DCAF15: variants seen among roughly 807,000 people sequenced by gnomAD.
The protein encoded by DCAF15 is DDB1- and CUL4-associated factor 15.
DCAF15 carries 24 observed loss-of-function variants against 68.0 expected under a neutral mutation model. The observed-to-expected ratio is 0.35, with a 90% CI of 0.26 to 0.50. DCAF15 has a LOEUF of 0.50. Ranked by LOEUF, DCAF15 falls within the 20% of genes least tolerant of loss-of-function variation. DCAF15 has a pLI of 0.98. For missense variants in DCAF15, 627 were observed against 830.6 expected (o/e 0.75, Z 3.01); for synonymous variants, 376 against 341.6 (o/e 1.10, Z -1.11).
chr19:13,952,736 G>A, intron 1 of DCAF15, 92 bp downstream of exon 1: 3 of 528,798 alleles, frequency 5.7e-6, no homozygotes, highest in Non-Finnish European at 8.4e-6. Flanking sequence ...GGGGTGAGGG[G>A]TTGGGGGCGG....
chr19:13,953,595 T>C (rs1973196642), intron 1 of DCAF15, among the ~76,000 whole-genome samples: 1 of 152,194 alleles, frequency 6.6e-6, no homozygotes, highest in Non-Finnish European at 1.5e-5. Flanking sequence ...GACAGGGCTG[T>C]CTCCCATCAG....
rs1973370888 is a variant in DCAF15, at chr19:13,956,515, C to T, written c.777C>T (p.His259=). 6.2e-7 allele frequency: 1 copy of T among 1,613,116 alleles called. No individual in the cohort carries two copies. The stretch of plus-strand genomic sequence containing the variant: ...TGGTGGCCTGCGCCGTCTCCGTCCA[C>T]TCGGCAGGTAGGCCCTGCGGTCTCG... ...YSLVACAVSV[H]SAGDRSFCQI... The change falls in exon 6 of 13, where the codon CAC becomes CAT. Residue 259 remains histidine, a synonymous_variant. Coordinates refer to ENST00000254337, the MANE Select transcript of DCAF15 (RefSeq NM_138353.4).
At position 13,953,026 on chromosome 19, in the gene DCAF15, G is replaced by A. The variant is rs1176186146; in HGVS notation, c.132+382G>A. 4.3e-6 allele frequency: 6 copies of A among 1,404,682 alleles called. No individual in the cohort carries two copies. In the African/African-American group the frequency reaches 8.6e-5, roughly 20 times the overall value. 87.0% of individuals were successfully genotyped at this position (1,404,682 alleles called of 1,614,324 possible). On this transcript the variant is annotated intron_variant, in intron 1 of 12. Coordinates refer to ENST00000254337, the MANE Select transcript of DCAF15 (RefSeq NM_138353.4). ...ATAATGGAACCTTCCCGCCCCCTTT[G>A]CAGAGCCCCTGCCGCTGGCTTTGGG...
In DCAF15 at chr19:13,960,485, A is replaced by G. The variant is rs746987667; in HGVS notation, c.1652A>G (p.Tyr551Cys). The G allele has an allele frequency of 1.2e-6, 2 of 1,611,734 alleles. No individual in the cohort carries two copies. Among genetic ancestry groups the G allele is most frequent in the East Asian group, 4.5e-5 (2 of 44,836 alleles). Residue 551 changes from tyrosine (Y) to cysteine (C), a missense_variant, in exon 12 of 13, where the codon TAC becomes TGC. Transcript: ENST00000254337. The stretch of plus-strand genomic sequence containing the variant: ...CGCAGCGGCAGTGTCTGGAGCTCCT[A>G]CCGCAAGAGCTGCGTGGACATGGTC... ...GQTSGSVWSS[Y>C]RKSCVDMVMK...
At chr19:13,954,481 T>TG (rs1568448153) in intron 2 of DCAF15, 44 bp downstream of exon 2, 1 of 1,613,922 alleles carries the variant, frequency 6.2e-7, no homozygotes, top group East Asian at 2.2e-5. Flanking sequence ...GCGGGAGTGG[T>TG]GGGCTCGCCC....
intron 1 of DCAF15, among the ~76,000 whole-genome samples, 199 bp downstream of exon 1, chr19:13,952,843 G>T (rs1475556277): frequency 5.7e-5 from 8 of 139,288 alleles, no homozygotes; most frequent in Non-Finnish European, 1.1e-4. Flanking sequence ...GATGCAGGTG[G>T]TTGTGTCGGG....
In DCAF15 at chr19:13,952,542, C is replaced by G; in HGVS notation, c.30C>G (p.Asn10Lys). 1 of 1,260,096 alleles carries G rather than the reference C, an allele frequency of 7.9e-7. No individual in the cohort carries two copies. Among genetic ancestry groups the G allele is most frequent in the Non-Finnish European group, 1.0e-6 (1 of 997,110 alleles). 78.1% of individuals were successfully genotyped at this position (1,260,096 alleles called of 1,614,324 possible). The change falls in exon 1 of 13, where the codon AAC (asparagine) becomes AAG (lysine). Residue 10 changes from asparagine (N) to lysine (K), a missense_variant. By Grantham distance (94) the Asn-to-Lys change is moderately conservative. This residue lies in a region of DCAF15 where 273 missense variants were observed against 393.7 expected (regional missense o/e 0.69). Transcript: ENST00000254337. Reference sequence around the variant, plus strand: ...CGCCCAGCTCGAAATCGGAGCGGAACAGCGGGGCTGGGAGCGGCGGCGGCG... The same window carrying G: ...CGCCCAGCTCGAAATCGGAGCGGAAGAGCGGGGCTGGGAGCGGCGGCGGCG... MAPSSKSERNSGAGSGGGGP... is the reference protein window; with the variant it reads MAPSSKSERKSGAGSGGGGP...
chr19:13,955,103 C>G (rs1251121888), intron 3 of DCAF15, among the ~76,000 whole-genome samples: 1 of 150,944 alleles, frequency 6.6e-6, no homozygotes, highest in East Asian at 1.9e-4. Flanking sequence ...GAGACCCTGT[C>G]TCTAAAACAA....
chr19:13,953,049 G>A (rs1473393533), intron 1 of DCAF15: 3 of 1,524,030 alleles, frequency 2.0e-6, no homozygotes, highest in African/African-American at 1.4e-5. Flanking sequence ...CGCTGGCTTT[G>A]GGCTTCCTCC....
chr19:13,954,833 T>C (rs1014250487), intron 3 of DCAF15, among the ~76,000 whole-genome samples, 172 bp downstream of exon 3: 7 of 152,160 alleles, frequency 4.6e-5, no homozygotes, highest in African/African-American at 1.7e-4. Flanking sequence ...GGGCCTGGCA[T>C]GGTAGCTCAC....
At chr19:13,953,213 CTCCA>C in intron 1 of DCAF15, 1 of 1,365,512 alleles carries the variant, frequency 7.3e-7, no homozygotes. Context: ...GCTCTGTCTC[CTCCA>C]TCAGACTGGA....
intron 1 of DCAF15, among the ~76,000 whole-genome samples, chr19:13,953,693 A>G (rs1413849353): frequency 2.6e-5 from 4 of 152,036 alleles, no homozygotes; most frequent in Non-Finnish European, 5.9e-5. Flanking sequence ...CTGTTCGGAT[A>G]TCCCTGTGCC....
Position 13,960,956 on chromosome 19 carries a change from T to C in DCAF15, c.1764T>C (p.Val588=). 6.2e-7 allele frequency: 1 copy of C among 1,614,010 alleles called. No homozygotes were observed. Among genetic ancestry groups the C allele is most frequent in the Non-Finnish European group, 8.5e-7 (1 of 1,180,018 alleles). The change falls in exon 13 of 13, where the codon GTT becomes GTC. Residue 588 remains valine, a synonymous_variant. Transcript: ENST00000254337. ...TCCCTGTAGGGTGCTCCCTGAAGGT[T>C]CTGGCGGACAGCGAGCGATATACGT... The part of the protein sequence containing the change: ...EALHKGCSLK[V]LADSERYTWI...
At chr19:13,954,180 C>T (rs1158762603) in intron 1 of DCAF15, among the ~76,000 whole-genome samples, 160 bp from the exon 2 acceptor site, 1 of 152,186 alleles carries the variant, frequency 6.6e-6, no homozygotes, top group Non-Finnish European at 1.5e-5. Context: ...TCCCCATCTG[C>T]CTCAGTTGTT....
At chr19:13,952,960 G>A (rs1015448183) in intron 1 of DCAF15, 7 of 947,336 alleles carry the variant, frequency 7.4e-6, no homozygotes, top group South Asian at 6.4e-5. Context: ...GAGGAAGGGG[G>A]CGATCCAGGC....
rs1394960859 is a variant in DCAF15, at chr19:13,953,018, C to T, written c.132+374C>T. The T allele has an allele frequency of 1.1e-5, 14 of 1,330,982 alleles. No individual in the cohort carries two copies. The South Asian group carries it at 1.4e-4, about 13-fold the overall frequency. 82.4% of individuals were successfully genotyped at this position (1,330,982 alleles called of 1,614,324 possible). ...GTTGCTCCATAATGGAACCTTCCCG[C>T]CCCCTTTGCAGAGCCCCTGCCGCTG... On this transcript the variant is annotated intron_variant, in intron 1 of 12. Coordinates refer to ENST00000254337, the MANE Select transcript of DCAF15 (RefSeq NM_138353.4).
intron 1 of DCAF15, among the ~76,000 whole-genome samples, chr19:13,953,907 C>T (rs1568447864): frequency 6.6e-6 from 1 of 152,152 alleles, no homozygotes; most frequent in Non-Finnish European, 1.5e-5. Flanking sequence ...TGTTTGAAGG[C>T]TGGTGGGTTG....
chr19:13,957,543 A>G (rs1483513706), intron 6 of DCAF15, among the ~76,000 whole-genome samples: 4 of 152,222 alleles, frequency 2.6e-5, no homozygotes, highest in Admixed American at 6.5e-5. Flanking sequence ...TCCATGGAGC[A>G]TGTGTCAGAT....
chr19:13,961,160 G>A lies in DCAF15; in HGVS notation c.*165G>A. 1.3e-6 allele frequency: 1 copy of A among 773,984 alleles called. No homozygotes were observed. The highest frequency in any genetic ancestry group is 2.1e-6 in the Non-Finnish European group (1 of 480,848). The allele number at this position is 773,984 out of a possible 1,614,324, so 47.9% of individuals were successfully genotyped here. Reference sequence around the variant, plus strand: ...CAGGGCAGCCTCTGTTGGCCTGAGGGTCTGGACGCTTTTTATTTATGCCTA... The same window carrying A: ...CAGGGCAGCCTCTGTTGGCCTGAGGATCTGGACGCTTTTTATTTATGCCTA... On this transcript the variant is annotated 3_prime_UTR_variant, in exon 13 of 13. Transcript: ENST00000254337.
Sources: allele counts gnomAD v4.1 joint callset (sites outside exome capture counted in the v4.1 genomes callset), GRCh38; gene constraint gnomAD v4.1.1; regional missense constraint gnomAD v4.1.1; transcripts MANE v1.5; gene names NCBI Gene and HGNC (gene_info 2026-07-23, HGNC 2026-07-21).